The following CCDC85A variants were observed in gnomAD, a reference collection of about 807,000 sequenced individuals.
CCDC85A encodes the protein coiled-coil domain-containing protein 85A.
A neutral mutation model predicts 50.2 loss-of-function variants in CCDC85A; 38 were observed. The observed-to-expected ratio is 0.76, with a 90% CI of 0.58 to 0.99. CCDC85A has a LOEUF of 0.99. Among genes scored for constraint, CCDC85A ranks in the 50% least tolerant of loss-of-function variants. CCDC85A has a pLI of 0.00. For synonymous variants in CCDC85A, 366 were observed against 301.4 expected (o/e 1.21, Z -2.22); for missense variants, 820 against 742.0 (o/e 1.11, Z -1.22).
At chr2:56,232,103 T>C (rs1179653549) in intron 2 of CCDC85A, among the ~76,000 whole-genome samples, 1 of 152,162 alleles carries the variant, frequency 6.6e-6, no homozygotes, top group Non-Finnish European at 1.5e-5. Flanking sequence ...TAATTTCTTC[T>C]GGTCCCATGG....
chr2:56,248,523 C>T (rs1669610193), intron 2 of CCDC85A, among the ~76,000 whole-genome samples: 1 of 152,154 alleles, frequency 6.6e-6, no homozygotes, highest in Non-Finnish European at 1.5e-5. Context: ...AAGTCCCTGG[C>T]ATCCTAGGGC....
At chr2:56,256,167 A>T (rs1288124330) in intron 2 of CCDC85A, among the ~76,000 whole-genome samples, 1 of 152,204 alleles carries the variant, frequency 6.6e-6, no homozygotes, top group Non-Finnish European at 1.5e-5. Flanking sequence ...AATGCAGAGG[A>T]CCCTATGAAA....
intron 2 of CCDC85A, among the ~76,000 whole-genome samples, chr2:56,233,546 G>C (rs114462808): frequency 1.3e-5 from 2 of 152,226 alleles, no homozygotes; most frequent in East Asian, 1.9e-4. Context: ...GGGTATGACT[G>C]TCTTCCAATA....
chr2:56,305,843 T>A (rs1672418994), intron 2 of CCDC85A, among the ~76,000 whole-genome samples: 1 of 152,214 alleles, frequency 6.6e-6, no homozygotes, highest in Non-Finnish European at 1.5e-5. Context: ...TAATCAGCAT[T>A]GCTGATTTAA....
At chr2:56,246,141 C>T (rs915325156) in intron 2 of CCDC85A, among the ~76,000 whole-genome samples, 25 of 152,114 alleles carry the variant, frequency 1.6e-4, no homozygotes, top group Admixed American at 1.6e-3. Flanking sequence ...TCAGGCAGGT[C>T]TTGAACTCCT....
chr2:56,380,669 G>A (rs573868493), intron 5 of CCDC85A, among the ~76,000 whole-genome samples: 8 of 151,874 alleles, frequency 5.3e-5, no homozygotes, highest in African/African-American at 1.4e-4. Flanking sequence ...TTATTTTCAC[G>A]TGCATATTCA....
intron 3 of CCDC85A, among the ~76,000 whole-genome samples, chr2:56,344,141 A>C: frequency 6.6e-6 from 1 of 152,184 alleles, no homozygotes; most frequent in East Asian, 1.9e-4. Flanking sequence ...GATAGTACCA[A>C]ACCCTACAAT....
chr2:56,329,574 CAGAT>C (rs1673663218), intron 2 of CCDC85A, among the ~76,000 whole-genome samples: 1 of 152,086 alleles, frequency 6.6e-6, no homozygotes, highest in South Asian at 2.1e-4. Context: ...ACTTTCTGTA[CAGAT>C]AGATAATGCT....
chr2:56,382,760 A>T (rs1208229001), intron 5 of CCDC85A, among the ~76,000 whole-genome samples: 1 of 152,034 alleles, frequency 6.6e-6, no homozygotes, highest in Non-Finnish European at 1.5e-5. Flanking sequence ...TGTGTTCCAC[A>T]TTTCAATATT....
chr2:56,219,253 A>T (rs183614308), intron 2 of CCDC85A, among the ~76,000 whole-genome samples: 56 of 148,874 alleles, frequency 3.8e-4, no homozygotes, highest in Middle Eastern at 3.4e-3. Flanking sequence ...AAGATGAATA[A>T]TACAGTATTT....
At chr2:56,360,140 TA>T (rs993402444) in intron 3 of CCDC85A, among the ~76,000 whole-genome samples, 1 of 152,248 alleles carries the variant, frequency 6.6e-6, no homozygotes, top group African/African-American at 2.4e-5. Flanking sequence ...ATTGGTCAAT[TA>T]AAAATAAAAT....
At chr2:56,350,131 AAC>A (rs1491365824) in intron 3 of CCDC85A, among the ~76,000 whole-genome samples, 4 of 149,790 alleles carry the variant, frequency 2.7e-5, no homozygotes, top group Non-Finnish European at 4.4e-5. Flanking sequence ...TTAAAGATGA[AAC>A]AGTCTTCTGT....
rs554853534 is a variant in CCDC85A at position 56,205,744 on chromosome 2, A to G, written c.1240+12304A>G. On this transcript the variant is annotated intron_variant, in intron 2 of 5. Coordinates refer to ENST00000407595, the MANE Select transcript of CCDC85A (RefSeq NM_001080433.2). Reference sequence around the variant, plus strand: ...ATTGAGAATAAACACATACTCATTTATTCAACAAATATTTATTGTGTATTC... The same window carrying G: ...ATTGAGAATAAACACATACTCATTTGTTCAACAAATATTTATTGTGTATTC... 2.0e-5 allele frequency among the ~76,000 whole-genome samples: 3 copies of G among 152,314 alleles called. No individual in the cohort carries two copies. In the South Asian group the frequency reaches 6.2e-4, roughly 32 times the overall value.
At position 56,184,103 on chromosome 2, in the gene CCDC85A, TCGCTAGAGCAGCCGGGGAGGCGC is replaced by T. The variant is rs565033682; in HGVS notation, c.-518_-496del. 5.0e-3 allele frequency: 4,960 copies of T among 984,876 alleles called. 14 individuals carry two copies. The highest frequency in any genetic ancestry group is 5.5e-3 in the Non-Finnish European group (4,580 of 829,864). The allele number at this position is 984,876 out of a possible 1,614,324, so 61.0% of individuals were successfully genotyped here. A position where few individuals can be genotyped will look rare whatever the true frequency, so the allele number is the denominator to read the frequency against. On this transcript the variant is annotated 5_prime_UTR_variant, in exon 1 of 6. Coordinates refer to ENST00000407595, the MANE Select transcript of CCDC85A (RefSeq NM_001080433.2). ...CAGCCTTCGGGCAGCCGCGGCGGCG[TCGCTAGAGCAGCCGGGGAGGCGC>T]CGCGGTGCCCGGCGCGCCCTCCAAG...
rs964224209 is a variant in CCDC85A at position 56,201,797 on chromosome 2, A to G, written c.1240+8357A>G. Among the ~76,000 whole-genome samples, 3 of 152,186 alleles carry G rather than the reference A, an allele frequency of 2.0e-5. 1 individual carries two copies. The highest frequency in any genetic ancestry group is 4.4e-5 in the Non-Finnish European group (3 of 68,044). ...TAAAGAATAGGAAGAAATGAGGGCA[A>G]TATAGCTGTATTTAGTTTAGAACAT... On this transcript the variant is annotated intron_variant, in intron 2 of 5. Transcript: ENST00000407595.
intron 3 of CCDC85A, among the ~76,000 whole-genome samples, chr2:56,348,895 G>A (rs1674762143): frequency 6.6e-6 from 1 of 152,034 alleles, no homozygotes; most frequent in Non-Finnish European, 1.5e-5. Flanking sequence ...CCTTTTGTTT[G>A]TTTTAGTCTC....
rs56350642 is a variant in CCDC85A at position 56,326,838 on chromosome 2, AT to A, written c.1241-16030del. ...CTTTACACTAGGATTAAGGTGAAGT[AT>A]TTTTTTTTTTCTTAATCAGGTAATT... On this transcript the variant is annotated intron_variant, in intron 2 of 5. Coordinates refer to ENST00000407595, the MANE Select transcript of CCDC85A (RefSeq NM_001080433.2). Among the ~76,000 whole-genome samples the A allele has an allele frequency of 1.8e-3, 266 of 148,588 alleles. 1 individual carries two copies. Among genetic ancestry groups the A allele is most frequent in the South Asian group, 6.4e-3 (30 of 4,714 alleles).
At chr2:56,383,045 C>A (rs1484096342) in intron 5 of CCDC85A, among the ~76,000 whole-genome samples, 1 of 151,866 alleles carries the variant, frequency 6.6e-6, no homozygotes, top group Non-Finnish European at 1.5e-5. Flanking sequence ...TAATTCCTTT[C>A]CAGATATTTA....
intron 2 of CCDC85A, 45 bp downstream of exon 2, chr2:56,193,485 G>C (rs368840161): frequency 1.6e-4 from 248 of 1,527,616 alleles, no homozygotes; most frequent in Middle Eastern, 2.3e-4. Flanking sequence ...GGGGAACTCA[G>C]TAGAGAGTTA....
Sources: allele counts gnomAD v4.1 joint callset (sites outside exome capture counted in the v4.1 genomes callset), GRCh38; gene constraint gnomAD v4.1.1; transcripts MANE v1.5; gene names NCBI Gene and HGNC (gene_info 2026-07-23, HGNC 2026-07-21).